The following SYCP2L variants were observed in gnomAD, a reference collection of about 807,000 sequenced individuals.
SYCP2L encodes synaptonemal complex protein 2 like.
In SYCP2L, 98 loss-of-function variants were observed where a neutral mutation model predicts 125.8. The observed-to-expected ratio is 0.78, with a 90% CI of 0.66 to 0.92. The LOEUF (loss-of-function observed/expected upper bound fraction) is 0.92, where lower values mean the gene tolerates loss of function less well. Among genes scored for constraint, SYCP2L ranks in the 40% least tolerant of loss-of-function variants. The pLI, the probability that SYCP2L is intolerant of heterozygous loss-of-function variation, is 0.00. For missense variants in SYCP2L, 842 were observed against 936.4 expected (o/e 0.90, Z 1.32); for synonymous variants, 317 against 325.4 (o/e 0.97, Z 0.28).
intron 29 of SYCP2L, among the ~76,000 whole-genome samples, chr6:10,966,167 CT>C (rs1435760468): frequency 6.6e-6 from 1 of 151,980 alleles, no homozygotes. Context: ...CACCAAAATT[CT>C]CAATAAAGTG....
chr6:10,927,177 C>T, intron 16 of SYCP2L, 63 bp from the exon 17 acceptor site: 1 of 1,593,760 alleles, frequency 6.3e-7, no homozygotes, highest in Non-Finnish European at 8.6e-7. Flanking sequence ...CCCATGAAGA[C>T]CACTGGTGAG....
Position 10,954,517 on chromosome 6 carries a change from C to T in SYCP2L, c.1955-599C>T, listed in dbSNP as rs752071167. Among the ~76,000 whole-genome samples the T allele has an allele frequency of 1.4e-4, 21 of 151,988 alleles. No individual in the cohort carries two copies. The highest frequency in any genetic ancestry group is 2.8e-4 in the Non-Finnish European group (19 of 68,006). ...CAGGGCTCTGTGAACCATGGTGGTG[C>T]CATTGATAAGATGATGAGGACCAGA... On this transcript the variant is annotated intron_variant, in intron 23 of 29. Transcript: ENST00000283141. This position sits in a 1 kb window ranked among gnomAD's most constrained non-coding sequence, Gnocchi z 4.8.
At chr6:10,917,782 G>A (rs1780716477) in intron 14 of SYCP2L, among the ~76,000 whole-genome samples, 1 of 152,192 alleles carries the variant, frequency 6.6e-6, no homozygotes, top group East Asian at 1.9e-4. Flanking sequence ...CTGTTTTGAT[G>A]TGTTTCCAGG....
rs188405769 is a variant in SYCP2L, at chr6:10,924,041, G to A, written c.1073-455G>A. ...TCTTCAAGTGGAGTCCATTGAAATG[G>A]TGGTAGATTATTCCATTTTGCACAT... is the stretch of plus-strand genomic sequence containing the variant. On this transcript the variant is annotated intron_variant, in intron 14 of 29. Transcript: ENST00000283141. Among the ~76,000 whole-genome samples the A allele has an allele frequency of 4.0e-3, 616 of 152,274 alleles. 4 individuals are homozygous for A. The highest frequency in any genetic ancestry group is 4.0e-3 in the Non-Finnish European group (274 of 68,020).
At chr6:10,904,730 T>C (rs955140299) in intron 8 of SYCP2L, among the ~76,000 whole-genome samples, 4 of 152,192 alleles carry the variant, frequency 2.6e-5, no homozygotes, top group African/African-American at 4.8e-5. Flanking sequence ...TGGTACTGTT[T>C]TCTGGTTTCT....
intron 12 of SYCP2L, among the ~76,000 whole-genome samples, 185 bp downstream of exon 12, chr6:10,911,054 CAG>C (rs2113319760): frequency 6.6e-6 from 1 of 152,216 alleles, no homozygotes; most frequent in African/African-American, 2.4e-5. Context: ...AATGCGTTAC[CAG>C]TAAGTTTAAG....
Position 10,927,617 on chromosome 6 carries a change from A to G in SYCP2L, c.1440+250A>G, listed in dbSNP as rs111795318. On this transcript the variant is annotated intron_variant, in intron 17 of 29. Coordinates refer to ENST00000283141, the MANE Select transcript of SYCP2L (RefSeq NM_001040274.3). Reference sequence around the variant, plus strand: ...AAGGTAATAGAATATCACAAGGCAAATGGAGGCAGGGCGAGATCACAGGAC... The same window carrying G: ...AAGGTAATAGAATATCACAAGGCAAGTGGAGGCAGGGCGAGATCACAGGAC... Among the ~76,000 whole-genome samples, 33,508 of 151,380 alleles carry G rather than the reference A, an allele frequency of 0.22. 4,066 individuals are homozygous for G. Among genetic ancestry groups the G allele is most frequent in the East Asian group, 0.36 (1,821 of 5,118 alleles).
At chr6:10,955,905 C>G (rs549971117) in intron 24 of SYCP2L, among the ~76,000 whole-genome samples, 1 of 152,154 alleles carries the variant, frequency 6.6e-6, no homozygotes, top group Admixed American at 6.5e-5. Context: ...ATTACAACAC[C>G]TTGGCCTGCT....
chr6:10,966,433 A>G (rs2113427660), intron 29 of SYCP2L, among the ~76,000 whole-genome samples: 1 of 152,350 alleles, frequency 6.6e-6, no homozygotes, highest in Admixed American at 6.5e-5. Context: ...AAAAGCCAGT[A>G]TTCTGCTTAA....
At chr6:10,892,751 A>ACACT (rs1352879315) in intron 2 of SYCP2L, among the ~76,000 whole-genome samples, 1 of 152,204 alleles carries the variant, frequency 6.6e-6, no homozygotes. Context: ...CATCTGCAGA[A>ACACT]CACTTAACAC....
At chr6:10,931,737 G>C (rs1330569345) in intron 20 of SYCP2L, among the ~76,000 whole-genome samples, 1 of 152,156 alleles carries the variant, frequency 6.6e-6, no homozygotes, top group Non-Finnish European at 1.5e-5. Flanking sequence ...TGCCAAGGCG[G>C]GTGGATCACT....
chr6:10,920,080 G>A (rs539089372), intron 14 of SYCP2L, among the ~76,000 whole-genome samples: 168 of 152,326 alleles, frequency 1.1e-3, no homozygotes, highest in African/African-American at 4.0e-3. Flanking sequence ...TCCATCAGGT[G>A]GTCTGGCTGG....
At position 10,912,015 on chromosome 6, in the gene SYCP2L, C is replaced by T. The variant is rs1247462685; in HGVS notation, c.919-658C>T. ...CTCCCGGGTTCATGCCATTCTCCTGCCTCAGCCTCCCGAGTATACTTGTTG... is the reference window on the plus strand; with the variant it reads ...CTCCCGGGTTCATGCCATTCTCCTGTCTCAGCCTCCCGAGTATACTTGTTG... On this transcript the variant is annotated intron_variant, in intron 12 of 29. Transcript: ENST00000283141. The surrounding 1 kb of genome is among the most constrained non-coding windows in gnomAD (Gnocchi z 4.1). Among the ~76,000 whole-genome samples the T allele has an allele frequency of 6.9e-6, 1 of 145,552 alleles. No individual in the cohort carries two copies. Among genetic ancestry groups the T allele is most frequent in the Non-Finnish European group, 1.5e-5 (1 of 67,042 alleles).
At chr6:10,926,259 C>A in intron 15 of SYCP2L, 80 bp from the exon 16 acceptor site, 2 of 1,043,576 alleles carry the variant, frequency 1.9e-6, no homozygotes, top group Non-Finnish European at 2.9e-6. Flanking sequence ...GTGTTTTGTT[C>A]TAAGCTTTAC....
At chr6:10,931,233 G>A (rs189683757) in intron 19 of SYCP2L, among the ~76,000 whole-genome samples, 12 of 152,334 alleles carry the variant, frequency 7.9e-5, no homozygotes, top group Admixed American at 6.5e-4. Context: ...ACAAAGTCTA[G>A]AGCAGAGAAT....
chr6:10,939,096 G>T (rs1226003541), intron 21 of SYCP2L, among the ~76,000 whole-genome samples: 6 of 151,750 alleles, frequency 4.0e-5, no homozygotes, highest in Non-Finnish European at 8.8e-5. Flanking sequence ...TTTCAGCCTG[G>T]GTGACACAAC....
At chr6:10,889,405 ATTTC>A (rs1387255528) in intron 1 of SYCP2L, among the ~76,000 whole-genome samples, 4 of 152,078 alleles carry the variant, frequency 2.6e-5, no homozygotes, top group African/African-American at 9.7e-5. Flanking sequence ...TCAAATATTT[ATTTC>A]TTTGTGTTGG....
At chr6:10,948,060 A>G (rs116730973) in intron 23 of SYCP2L, among the ~76,000 whole-genome samples, 9 of 152,236 alleles carry the variant, frequency 5.9e-5, no homozygotes, top group Non-Finnish European at 1.3e-4. Flanking sequence ...TTGAGGAATA[A>G]TTGGCAAATA....
chr6:10,887,964 A>C (rs1198751972), intron 1 of SYCP2L, among the ~76,000 whole-genome samples: 1 of 151,308 alleles, frequency 6.6e-6, no homozygotes, highest in Non-Finnish European at 1.5e-5. Context: ...GAAAGCTGCC[A>C]TTCACTGAGC....
Sources: gnomAD v4.1 joint callset for allele counts (sites outside exome capture counted in the v4.1 genomes callset) on GRCh38, gnomAD v4.1.1 for gene constraint, Gnocchi (gnomAD v3.1) non-coding constraint, MANE v1.5 for transcripts, NCBI Gene and HGNC (gene_info 2026-07-23, HGNC 2026-07-21) for gene names.